The following SDK1 variants were observed in gnomAD, a reference collection of about 807,000 sequenced individuals.
The protein encoded by SDK1 is protein sidekick-1.
SDK1 carries 157 observed loss-of-function variants against 245.5 expected under a neutral mutation model. That is an observed-to-expected ratio of 0.64 (90% confidence interval 0.56 to 0.73). The LOEUF (loss-of-function observed/expected upper bound fraction) is 0.73, where lower values mean the gene tolerates loss of function less well. Ranked by LOEUF, SDK1 falls within the 30% of genes least tolerant of loss-of-function variation. SDK1 has a pLI of 0.00. For synonymous variants in SDK1, 1,647 were observed against 1,278.5 expected, an observed-to-expected ratio of 1.29 and a Z score of -6.15; for missense variants, 3,583 against 3,002.3, an observed-to-expected ratio of 1.19 and a Z score of -4.52.
At chr7:4,094,079 C>T (rs73042458) in intron 22 of SDK1, among the ~76,000 whole-genome samples, 15,400 of 151,860 alleles carry the variant, frequency 0.1, 1,090 homozygotes, top group Non-Finnish European at 0.15. Context: ...TTTTTTGAGA[C>T]GGACTCTCAT....
chr7:3,499,510 C>T (rs1476428950), intron 1 of SDK1, among the ~76,000 whole-genome samples: 4 of 152,218 alleles, frequency 2.6e-5, no homozygotes, highest in African/African-American at 4.8e-5. Flanking sequence ...ATGTGTTCCT[C>T]TCTCATTGTT....
At chr7:3,872,414 T>A (rs1780979819) in intron 5 of SDK1, among the ~76,000 whole-genome samples, 1 of 152,114 alleles carries the variant, frequency 6.6e-6, no homozygotes, top group Non-Finnish European at 1.5e-5. Flanking sequence ...GAGTTTTATT[T>A]TATTTTGTTT....
intron 4 of SDK1, among the ~76,000 whole-genome samples, chr7:3,688,989 T>C (rs1351049669): frequency 6.6e-6 from 1 of 152,202 alleles, no homozygotes; most frequent in South Asian, 2.1e-4. Flanking sequence ...AATCCATCCA[T>C]GTTCCCACCT....
chr7:4,199,495 A>G lies in SDK1; in HGVS notation c.5099-6384A>G, dbSNP rs184562628. ...AATTGTCTAGCAGTATTGAAGTTTC[A>G]GAGCTAACCTTTAAAATGGAAATAT... is the stretch of plus-strand genomic sequence containing the variant. On this transcript the variant is annotated intron_variant, in intron 35 of 44. Transcript: ENST00000404826. Among the ~76,000 whole-genome samples, 436 of 152,368 alleles carry G rather than the reference A, an allele frequency of 2.9e-3. 2 individuals are homozygous for G. The highest frequency in any genetic ancestry group is 4.6e-3 in the Non-Finnish European group (310 of 68,030).
intron 4 of SDK1, among the ~76,000 whole-genome samples, chr7:3,686,929 C>T (rs1784300119): frequency 6.6e-6 from 1 of 152,014 alleles, no homozygotes. Context: ...CAGGTAGTGG[C>T]CCTGGAGTGT....
intron 1 of SDK1, among the ~76,000 whole-genome samples, chr7:3,614,794 C>G (rs1365549061): frequency 6.6e-6 from 1 of 152,124 alleles, no homozygotes; most frequent in East Asian, 1.9e-4. Context: ...AGGGTGTTGA[C>G]ATATTTTCCC....
At chr7:4,146,205 TTCACACCTTCTGCC>T (rs1481933333) in intron 29 of SDK1, among the ~76,000 whole-genome samples, 1 of 150,024 alleles carries the variant, frequency 6.7e-6, no homozygotes, top group Non-Finnish European at 1.5e-5. Context: ...GAGCATTGCA[TTCACACCTTCTGCC>T]TCACACCTGC....
intron 39 of SDK1, among the ~76,000 whole-genome samples, chr7:4,220,571 A>C (rs1785093375): frequency 6.8e-6 from 1 of 146,734 alleles, no homozygotes; most frequent in African/African-American, 2.6e-5. Context: ...TGGCATTTGA[A>C]ATAAATCAGA....
At chr7:3,866,217 C>G (rs1221196900) in intron 5 of SDK1, among the ~76,000 whole-genome samples, 1 of 152,186 alleles carries the variant, frequency 6.6e-6, no homozygotes, top group Non-Finnish European at 1.5e-5. Flanking sequence ...AGAGCTGATT[C>G]ACTTATGCAT....
At chr7:3,621,107 A>G (rs570412050) in intron 2 of SDK1, among the ~76,000 whole-genome samples, 61 of 152,276 alleles carry the variant, frequency 4.0e-4, no homozygotes, top group African/African-American at 1.3e-3. Context: ...CCTCATTTGC[A>G]GTGTTGTGAG....
chr7:3,537,543 A>T (rs1778923118), intron 1 of SDK1, among the ~76,000 whole-genome samples: 1 of 152,208 alleles, frequency 6.6e-6, no homozygotes, highest in Admixed American at 6.5e-5. Context: ...CCATTGTGGC[A>T]CCATGACTCT....
intron 5 of SDK1, among the ~76,000 whole-genome samples, chr7:3,851,211 C>T: frequency 6.6e-6 from 1 of 152,100 alleles, no homozygotes; most frequent in East Asian, 1.9e-4. Flanking sequence ...GGCAGAGATG[C>T]TATCTGCCCC....
At chr7:3,632,036 T>C (rs1782308356) in intron 2 of SDK1, among the ~76,000 whole-genome samples, 1 of 152,212 alleles carries the variant, frequency 6.6e-6, no homozygotes, top group African/African-American at 2.4e-5. Flanking sequence ...GTCCCCAACT[T>C]TTATGTTCAT....
intron 22 of SDK1, among the ~76,000 whole-genome samples, chr7:4,085,562 T>G (rs1781373436): frequency 6.6e-6 from 1 of 152,168 alleles, no homozygotes; most frequent in Admixed American, 6.5e-5. Context: ...TTTTTTTTAT[T>G]TATTTATTTT....
At chr7:4,069,393 T>C (rs1780103151) in intron 20 of SDK1, among the ~76,000 whole-genome samples, 1 of 152,260 alleles carries the variant, frequency 6.6e-6, no homozygotes, top group African/African-American at 2.4e-5. Flanking sequence ...GTGTCAGCCC[T>C]CTCTGGGGGC....
chr7:3,462,910 C>T (rs1780878094), intron 1 of SDK1, among the ~76,000 whole-genome samples: 1 of 152,178 alleles, frequency 6.6e-6, no homozygotes, highest in African/African-American at 2.4e-5. Context: ...GTTATCCTTG[C>T]TTGCCTTCTC....
chr7:3,524,254 A>G (rs929382567), intron 1 of SDK1, among the ~76,000 whole-genome samples: 2 of 152,178 alleles, frequency 1.3e-5, no homozygotes, highest in Non-Finnish European at 2.9e-5. Context: ...TTGGAGTCAG[A>G]TGACAAGCTA....
intron 37 of SDK1, among the ~76,000 whole-genome samples, 198 bp downstream of exon 37, chr7:4,208,483 A>C (rs1332573043): frequency 6.6e-6 from 1 of 152,238 alleles, no homozygotes; most frequent in Non-Finnish European, 1.5e-5. Flanking sequence ...AGACTGGTAC[A>C]CAGTGGCGCT....
chr7:4,256,828 A>G (rs564821645), intron 44 of SDK1, among the ~76,000 whole-genome samples: 2 of 152,290 alleles, frequency 1.3e-5, no homozygotes, highest in South Asian at 4.1e-4. Context: ...AGAAGCGAAG[A>G]TTTCACTAAG....
Sources: allele counts gnomAD v4.1 joint callset (sites outside exome capture counted in the v4.1 genomes callset), GRCh38; gene constraint gnomAD v4.1.1; transcripts MANE v1.5; gene names NCBI Gene and HGNC (gene_info 2026-07-23, HGNC 2026-07-21).